BOLL: variants seen among roughly 807,000 people sequenced by gnomAD.
The protein encoded by BOLL is protein boule-like.
BOLL carries 23 observed loss-of-function variants against 44.4 expected under a neutral mutation model. That is an observed-to-expected ratio of 0.52 (90% confidence interval 0.37 to 0.73). BOLL has a LOEUF of 0.73. Among genes scored for constraint, BOLL ranks in the 30% least tolerant of loss-of-function variants. The pLI, the probability that BOLL is intolerant of heterozygous loss-of-function variation, is 0.00. For synonymous variants in BOLL, 97 were observed against 110.8 expected, an observed-to-expected ratio of 0.88 and a Z score of 0.78; for missense variants, 287 against 338.3, an observed-to-expected ratio of 0.85 and a Z score of 1.19.
intron 9 of BOLL, among the ~76,000 whole-genome samples, chr2:197,747,582 CAAAAAAAA>C (rs59385223): frequency 1.7e-5 from 1 of 60,176 alleles, no homozygotes; most frequent in African/African-American, 6.8e-5. Context: ...GACTCGGGCT[CAAAAAAAA>C]AAAAAAAAAA....
intron 6 of BOLL, among the ~76,000 whole-genome samples, chr2:197,769,063 C>G (rs868274447): frequency 1.3e-5 from 2 of 151,772 alleles, no homozygotes; most frequent in Non-Finnish European, 2.9e-5. Flanking sequence ...TTCGGTTTGC[C>G]AGTATTTTAT....
intron 6 of BOLL, among the ~76,000 whole-genome samples, chr2:197,767,234 G>A (rs1443438005): frequency 6.6e-6 from 1 of 151,868 alleles, no homozygotes; most frequent in Non-Finnish European, 1.5e-5. Context: ...CTTAAAACCA[G>A]ATCTTTAATA....
chr2:197,771,832 CT>C, intron 6 of BOLL, 22 bp downstream of exon 6: 4 of 1,532,776 alleles, frequency 2.6e-6, no homozygotes, highest in Admixed American at 2.2e-5. Flanking sequence ...GATGGAAATC[CT>C]TTTTTAAATG....
chr2:197,758,294 T>C (rs1688605974), intron 7 of BOLL, among the ~76,000 whole-genome samples: 1 of 152,202 alleles, frequency 6.6e-6, no homozygotes, highest in Non-Finnish European at 1.5e-5. Flanking sequence ...TGTGGTACAG[T>C]GTATCCATAC....
At chr2:197,746,930 A>G (rs544722154) in intron 9 of BOLL, among the ~76,000 whole-genome samples, 6 of 150,790 alleles carry the variant, frequency 4.0e-5, no homozygotes, top group South Asian at 2.1e-4. Flanking sequence ...CAGAGAGAAG[A>G]ATGGTGGTTG....
chr2:197,737,813 A>C (rs866585121), intron 10 of BOLL, among the ~76,000 whole-genome samples: 8 of 152,042 alleles, frequency 5.3e-5, no homozygotes, highest in African/African-American at 9.7e-5. Flanking sequence ...TCTCCAATTT[A>C]CTTCTGAATC....
intron 9 of BOLL, among the ~76,000 whole-genome samples, chr2:197,754,555 A>T (rs1688416276): frequency 6.6e-6 from 1 of 152,084 alleles, no homozygotes; most frequent in African/African-American, 2.4e-5. Context: ...TAAAAATATG[A>T]AAATATTAGC....
chr2:197,732,063 C>G (rs1433247878), intron 10 of BOLL, among the ~76,000 whole-genome samples: 59 of 149,534 alleles, frequency 3.9e-4, no homozygotes, highest in African/African-American at 1.4e-3. Context: ...AGACCGCTAG[C>G]AAGACTAATA....
intron 7 of BOLL, among the ~76,000 whole-genome samples, chr2:197,764,439 A>G (rs1001809659): frequency 9.9e-5 from 15 of 152,232 alleles, no homozygotes; most frequent in Non-Finnish European, 2.1e-4. Context: ...CCAGGAACAG[A>G]AAGTTAAACA....
At chr2:197,776,822 TC>T (rs1306070798) in intron 4 of BOLL, among the ~76,000 whole-genome samples, 1 of 151,882 alleles carries the variant, frequency 6.6e-6, no homozygotes, top group Non-Finnish European at 1.5e-5. Flanking sequence ...AAAAGATATA[TC>T]CCCAAGTTCT....
Position 197,769,756 on chromosome 2 carries a change from T to A in BOLL, c.480+2099A>T, listed in dbSNP as rs532931490. 6.3e-3 allele frequency among the ~76,000 whole-genome samples: 953 copies of A among 151,880 alleles called. 15 individuals carry two copies. Among genetic ancestry groups the A allele is most frequent in the African/African-American group, 0.022 (893 of 41,294 alleles). On this transcript the variant is annotated intron_variant, in intron 6 of 10. Transcript: ENST00000392296. ...GGGTGAACGCCCATTCACAATTGCT[T>A]CAAAGAGAATAAAATACCTAGGAAT...
intron 10 of BOLL, among the ~76,000 whole-genome samples, chr2:197,732,853 C>T (rs1483206344): frequency 1.4e-5 from 2 of 142,898 alleles, no homozygotes; most frequent in Non-Finnish European, 1.5e-5. Flanking sequence ...CAGCCAATAT[C>T]ATACTGAATG....
At chr2:197,766,119 T>G (rs1162138786) in intron 7 of BOLL, among the ~76,000 whole-genome samples, 1 of 152,170 alleles carries the variant, frequency 6.6e-6, no homozygotes, top group Non-Finnish European at 1.5e-5. Flanking sequence ...ATGTCTTTGC[T>G]ATTGTGAATA....
upstream of BOLL, chr2:197,785,484 C>T (rs879785097): frequency 1.2e-3 from 856 of 730,370 alleles, no homozygotes; most frequent in Non-Finnish European, 1.4e-3. This position sits in a 1 kb window ranked among gnomAD's most constrained non-coding sequence, Gnocchi z 6.7. Context: ...CTAGAGTGTC[C>T]GGGTCCCGCC....
intron 10 of BOLL, among the ~76,000 whole-genome samples, chr2:197,740,671 C>T (rs2106323277): frequency 6.6e-6 from 1 of 152,172 alleles, no homozygotes; most frequent in Admixed American, 6.6e-5. Context: ...TATTAAATAT[C>T]TAGAATAGGC....
chr2:197,784,717 C>T, intron 1 of BOLL: 1 of 987,016 alleles, frequency 1.0e-6, no homozygotes, highest in Non-Finnish European at 1.2e-6. Flanking sequence ...CGGGAGCCAT[C>T]GCGCCAGGCC....
At position 197,756,453 on chromosome 2, in the gene BOLL, G is replaced by C; in HGVS notation, c.704C>G (p.Ser235Cys). 1 of 1,611,062 alleles carries C rather than the reference G, an allele frequency of 6.2e-7. No individual in the cohort carries two copies. Among genetic ancestry groups the C allele is most frequent in the Non-Finnish European group, 8.5e-7 (1 of 1,178,206 alleles). Residue 235 changes from serine to cysteine, a missense_variant, in exon 9 of 11, where the codon TCT (serine) becomes TGT (cysteine). Transcript: ENST00000392296. ...CTCTGGAACTGAAGTTTCCATCAGA[G>C]ACAGTGGAGGAGGAACACATCCACC... The part of the protein sequence containing the change: ...QDGGCVPPPL[S>C]LMETSVPEPY...
At chr2:197,756,300 T>C in intron 9 of BOLL, 128 bp downstream of exon 9, 1 of 925,180 alleles carries the variant, frequency 1.1e-6, no homozygotes, top group Non-Finnish European at 1.5e-6. Context: ...GGAAGAGATT[T>C]GAATAAATCA....
At chr2:197,783,686 C>A (rs1377957813) in intron 1 of BOLL, among the ~76,000 whole-genome samples, 2 of 152,174 alleles carry the variant, frequency 1.3e-5, no homozygotes, top group Non-Finnish European at 2.9e-5. Flanking sequence ...TCTCTCTGGG[C>A]ACTTGGAGGT....
Sources: allele counts gnomAD v4.1 joint callset (sites outside exome capture counted in the v4.1 genomes callset), GRCh38; gene constraint gnomAD v4.1.1; non-coding constraint Gnocchi (gnomAD v3.1); transcripts MANE v1.5; gene names NCBI Gene and HGNC (gene_info 2026-07-23, HGNC 2026-07-21).